RAMP1: variants seen among roughly 807,000 people sequenced by gnomAD.
The protein encoded by RAMP1 is receptor activity-modifying protein 1.
RAMP1 carries 7 observed loss-of-function variants against 8.2 expected under a neutral mutation model. That is an observed-to-expected ratio of 0.85 (90% CI 0.49 to 1.60). RAMP1 has a LOEUF of 1.60. Ranked by LOEUF, RAMP1 falls within the 40% of genes most tolerant of loss-of-function variation. The pLI is 0.00. For synonymous variants in RAMP1, 92 were observed against 84.7 expected (o/e 1.09, Z -0.47); for missense variants, 192 against 202.4 (o/e 0.95, Z 0.31).
At chr2:237,860,730 C>T (rs1199788616) in intron 1 of RAMP1, among the ~76,000 whole-genome samples, 1 of 152,188 alleles carries the variant, frequency 6.6e-6, no homozygotes, top group Non-Finnish European at 1.5e-5. Flanking sequence ...GAGGCACCTG[C>T]CGCACAAGAC....
intron 1 of RAMP1, among the ~76,000 whole-genome samples, chr2:237,864,145 ACCTGGCCCGTGG>A (rs200696595): frequency 0.014 from 2,067 of 149,098 alleles, 56 homozygotes; most frequent in African/African-American, 0.05. Flanking sequence ...AGGCAGAGTG[ACCTGGCCCGTGG>A]CCTGGGCCAG....
rs1371615994 is a variant in RAMP1, at chr2:237,877,288, C to G, written c.117C>G (p.Leu39=). ...ACTACGGTGCCCTCCTCCGGGAGCT[C>G]TGCCTCACCCAGTTCCAGGTAGACA... The part of the protein sequence containing the change: ...EANYGALLRE[L]CLTQFQVDME... Residue 39 remains leucine (L), a synonymous_variant, in exon 2 of 3, where the codon CTC becomes CTG. Coordinates refer to ENST00000254661, the MANE Select transcript of RAMP1 (RefSeq NM_005855.4). The surrounding 1 kb of genome is among the most constrained non-coding windows in gnomAD (Gnocchi z 4.4). 1.2e-6 allele frequency: 2 copies of G among 1,614,100 alleles called. No homozygotes were observed. The highest frequency in any genetic ancestry group is 1.1e-5 in the South Asian group (1 of 91,090).
rs1367658047 is a variant in RAMP1 at position 237,865,105 on chromosome 2, G to T, written c.52+5378G>T. On this transcript the variant is annotated intron_variant, in intron 1 of 2. Transcript: ENST00000254661. This position sits in a 1 kb window ranked among gnomAD's most constrained non-coding sequence, Gnocchi z 4.2. ...GCCCCCAGCATGGGCAGGAGGCCAG[G>T]CAAGGATAGGAGTGGGAGGGTTCCA... Among the ~76,000 whole-genome samples the T allele has an allele frequency of 1.3e-5, 2 of 152,100 alleles. No individual in the cohort carries two copies. The highest frequency in any genetic ancestry group is 4.8e-5 in the African/African-American group (2 of 41,406).
chr2:237,900,664 G>A (rs1410808751), intron 2 of RAMP1, among the ~76,000 whole-genome samples: 2 of 151,836 alleles, frequency 1.3e-5, no homozygotes, highest in African/African-American at 2.4e-5. Context: ...TAGTATTGCC[G>A]ATCTTGTTCT....
chr2:237,885,316 C>T (rs2062417024), intron 2 of RAMP1, among the ~76,000 whole-genome samples: 1 of 152,216 alleles, frequency 6.6e-6, no homozygotes, highest in Non-Finnish European at 1.5e-5. Flanking sequence ...GGGCTGTTCA[C>T]AGAGCCCTGC....
rs559556552 is a variant in RAMP1, at chr2:237,888,581, G to T, written c.191+11219G>T. Among the ~76,000 whole-genome samples, 193 of 152,248 alleles carry T rather than the reference G, an allele frequency of 1.3e-3. 1 individual carries two copies. The highest frequency in any genetic ancestry group is 4.4e-3 in the African/African-American group (181 of 41,546). On this transcript the variant is annotated intron_variant, in intron 2 of 2. Coordinates refer to ENST00000254661, the MANE Select transcript of RAMP1 (RefSeq NM_005855.4). Reference sequence around the variant, plus strand: ...GGTCTCTGACAGTTATTTGGAATTTGTTTTTTCTCAAGTGCAAGTTACGTC... The same window carrying T: ...GGTCTCTGACAGTTATTTGGAATTTTTTTTTTCTCAAGTGCAAGTTACGTC...
chr2:237,900,779 T>A (rs775461822), intron 2 of RAMP1, among the ~76,000 whole-genome samples: 7 of 152,186 alleles, frequency 4.6e-5, no homozygotes, highest in African/African-American at 7.2e-5. Context: ...ATCCTTTTTT[T>A]AAAACTAATT....
chr2:237,869,961 A>G (rs547131905), intron 1 of RAMP1: 1 of 152,238 alleles, frequency 6.6e-6, no homozygotes, highest in African/African-American at 2.4e-5. Context: ...TGGGGAACCC[A>G]ACCTTGGAGA....
intron 2 of RAMP1, among the ~76,000 whole-genome samples, chr2:237,902,442 C>A (rs2062610278): frequency 6.6e-6 from 1 of 150,750 alleles, no homozygotes; most frequent in South Asian, 2.1e-4. Context: ...ACAGGAGGAC[C>A]AGGAGGACGC....
rs771902021 is a variant in RAMP1, at chr2:237,877,390, G to A, written c.191+28G>A. 3.1e-6 allele frequency: 5 copies of A among 1,598,980 alleles called. No homozygotes were observed. The highest frequency in any genetic ancestry group is 1.3e-5 in the African/African-American group (1 of 74,872). On this transcript the variant is annotated intron_variant, in intron 2 of 2. Transcript: ENST00000254661. The surrounding 1 kb of genome is among the most constrained non-coding windows in gnomAD (Gnocchi z 4.4). ...GAGTCCCATGGCCCCTGGTGGGCAG[G>A]ACACGGTTGGGGAGGGAGAGGGGGC...
intron 1 of RAMP1, among the ~76,000 whole-genome samples, chr2:237,870,421 T>TCACC (rs988987276): frequency 3.3e-5 from 5 of 152,246 alleles, no homozygotes; most frequent in Admixed American, 1.3e-4. Flanking sequence ...CTGGTGCTGC[T>TCACC]CACCCGCCTT....
rs2062375188 is a variant in RAMP1, at chr2:237,882,066, G to T, written c.191+4704G>T. On this transcript the variant is annotated intron_variant, in intron 2 of 2. Coordinates refer to ENST00000254661, the MANE Select transcript of RAMP1 (RefSeq NM_005855.4). ...TCGGAGTTTATTCCAGTTTATTCTT[G>T]TGTATGGTGTGAACTATGAATCAAA... Among the ~76,000 whole-genome samples the T allele has an allele frequency of 3.9e-5, 6 of 152,252 alleles. No homozygotes were observed. In the South Asian group the frequency reaches 1.2e-3, roughly 32 times the overall value.
intron 1 of RAMP1, among the ~76,000 whole-genome samples, chr2:237,876,527 C>G (rs771614419): frequency 6.6e-6 from 1 of 152,152 alleles, no homozygotes; most frequent in Non-Finnish European, 1.5e-5. Context: ...AAGCCCTAAA[C>G]AGGGAATGCA....
At chr2:237,867,503 A>T in intron 1 of RAMP1, among the ~76,000 whole-genome samples, 1 of 150,556 alleles carries the variant, frequency 6.6e-6, no homozygotes, top group Non-Finnish European at 1.5e-5. Flanking sequence ...GGGGTGGGAG[A>T]GGGATGGAGA....
intron 2 of RAMP1, among the ~76,000 whole-genome samples, chr2:237,888,093 G>A (rs144255415): frequency 0.06 from 9,159 of 151,952 alleles, 914 homozygotes; most frequent in African/African-American, 0.21. Flanking sequence ...CTGCTGTGTC[G>A]CCCAGGCTGG....
intron 1 of RAMP1, among the ~76,000 whole-genome samples, chr2:237,872,856 CA>C (rs2062260801): frequency 6.6e-6 from 1 of 152,166 alleles, no homozygotes; most frequent in Non-Finnish European, 1.5e-5. Flanking sequence ...CCCATCTCTA[CA>C]AAAAATAGAA....
intron 2 of RAMP1, among the ~76,000 whole-genome samples, chr2:237,906,454 A>T (rs2062652474): frequency 6.6e-6 from 1 of 152,254 alleles, no homozygotes; most frequent in Admixed American, 6.5e-5. Flanking sequence ...CTTTTTCTGT[A>T]TAGCCTCTTA....
At position 237,877,419 on chromosome 2, in the gene RAMP1, C is replaced by A; in HGVS notation, c.191+57C>A. ...CGGTTGGGGAGGGAGAGGGGGCAAG[C>A]GGAGGAGGAGTGGACCACGTGGGAG... On this transcript the variant is annotated intron_variant, in intron 2 of 2. Transcript: ENST00000254661. This position sits in a 1 kb window ranked among gnomAD's most constrained non-coding sequence, Gnocchi z 4.4. The A allele has an allele frequency of 6.4e-7, 1 of 1,572,704 alleles. No homozygotes were observed. Among genetic ancestry groups the A allele is most frequent in the African/African-American group, 1.3e-5 (1 of 74,364 alleles).
In RAMP1 at chr2:237,911,932, A is replaced by G. The variant is rs2062720738; in HGVS notation, c.*149A>G. The G allele has an allele frequency of 2.3e-6, 3 of 1,289,522 alleles. No homozygotes were observed. Among genetic ancestry groups the G allele is most frequent in the Non-Finnish European group, 3.1e-6 (3 of 966,632 alleles). 79.9% of individuals were successfully genotyped at this position (1,289,522 alleles called of 1,614,324 possible). ...AGAAGAGCTCACAGGAGTCCAGAGT[A>G]GCCGAGGCTCTGGTATTAACCTGGA... On this transcript the variant is annotated 3_prime_UTR_variant, in exon 3 of 3. Transcript: ENST00000254661.
Sources: gnomAD v4.1 joint callset for allele counts (sites outside exome capture counted in the v4.1 genomes callset) on GRCh38, gnomAD v4.1.1 for gene constraint, Gnocchi (gnomAD v3.1) non-coding constraint, MANE v1.5 for transcripts, NCBI Gene and HGNC (gene_info 2026-07-23, HGNC 2026-07-21) for gene names.